SLK: variants seen among roughly 807,000 people sequenced by gnomAD.
SLK encodes STE20 like kinase, also known as STE20-like serine/threonine-protein kinase.
Under a neutral mutation model 147.7 loss-of-function variants are expected in SLK, and 67 were observed. The ratio of observed to expected loss-of-function variants is 0.45; its 90% CI spans 0.37 to 0.56. The LOEUF (loss-of-function observed/expected upper bound fraction) is 0.56. Ranked by LOEUF, SLK falls within the 20% of genes least tolerant of loss-of-function variation. The probability of loss-of-function intolerance (pLI) is 0.00; values close to 1 mark genes in which losing one functional copy is unlikely to be tolerated. For missense variants in SLK, 1,136 were observed against 1,438.8 expected, an observed-to-expected ratio of 0.79 and a Z score of 3.41; for synonymous variants, 441 against 475.0, an observed-to-expected ratio of 0.93 and a Z score of 0.93.
intron 18 of SLK, among the ~76,000 whole-genome samples, chr10:104,022,462 C>G (rs935842865): frequency 3.3e-5 from 5 of 152,188 alleles, no homozygotes; most frequent in African/African-American, 7.2e-5. Flanking sequence ...CTTCGTTACT[C>G]AAACTTAAAC....
At chr10:104,024,657 T>C (rs781410369) in intron 18 of SLK, among the ~76,000 whole-genome samples, 7 of 152,210 alleles carry the variant, frequency 4.6e-5, no homozygotes, top group Non-Finnish European at 8.8e-5. Context: ...GAACCCCTCC[T>C]ATATCCTTCC....
intron 1 of SLK, among the ~76,000 whole-genome samples, chr10:103,987,140 A>G (rs1444560688): frequency 6.6e-6 from 1 of 152,142 alleles, no homozygotes; most frequent in Non-Finnish European, 1.5e-5. Flanking sequence ...CTGATGAGTA[A>G]TCATGTTATT....
intron 13 of SLK, among the ~76,000 whole-genome samples, chr10:104,017,093 T>A (rs1844474142): frequency 6.6e-6 from 1 of 151,998 alleles, no homozygotes; most frequent in African/African-American, 2.4e-5. Flanking sequence ...ACTTTAACAT[T>A]TCCTTTTTTT....
chr10:104,001,233 A>G (rs1844243955), intron 7 of SLK, among the ~76,000 whole-genome samples: 2 of 152,192 alleles, frequency 1.3e-5, no homozygotes, highest in Non-Finnish European at 2.9e-5. Flanking sequence ...AGATTCTTAA[A>G]AATGTACAGA....
At chr10:104,013,985 CATAAG>C (rs1844431038) in intron 13 of SLK, among the ~76,000 whole-genome samples, 1 of 152,108 alleles carries the variant, frequency 6.6e-6, no homozygotes, top group African/African-American at 2.4e-5. Flanking sequence ...CCTCAAGTCA[CATAAG>C]AGATTAACGG....
In SLK at chr10:104,002,765, G is replaced by T; in HGVS notation, c.1587G>T (p.Glu529Asp). 6.2e-7 allele frequency: 1 copy of T among 1,614,024 alleles called. No individual in the cohort carries two copies. The highest frequency in any genetic ancestry group is 8.5e-7 in the Non-Finnish European group (1 of 1,180,012). The change falls in exon 9 of 19, where the codon GAG becomes GAT. Residue 529 changes from glutamate (E) to aspartate (D), a missense_variant. Glu to Asp is a conservative substitution (Grantham distance 45, BLOSUM62 2). Transcript: ENST00000369755. ...GGCTTACAAAGGAAGACACCCAAGA[G>T]AAATTGGGGGAAGACGACAAAACTC... ...EVGLTKEDTQ[E>D]KLGEDDKTQK...
At chr10:103,975,190 C>G (rs1284035261) in intron 1 of SLK, among the ~76,000 whole-genome samples, 1 of 151,652 alleles carries the variant, frequency 6.6e-6, no homozygotes, top group Non-Finnish European at 1.5e-5. Flanking sequence ...TAAGACCTCC[C>G]TTTTGAACTC....
chr10:103,969,433 T>C lies in SLK; in HGVS notation c.150+1538T>C, dbSNP rs137943903. Reference sequence around the variant, plus strand: ...TGGCTATTATAGCACTTGTCACTTATTACAATTAATATGTTTATGTTTCTA... The same window carrying C: ...TGGCTATTATAGCACTTGTCACTTACTACAATTAATATGTTTATGTTTCTA... On this transcript the variant is annotated intron_variant, in intron 1 of 18. Coordinates refer to ENST00000369755, the MANE Select transcript of SLK (RefSeq NM_014720.4). Among the ~76,000 whole-genome samples the C allele has an allele frequency of 3.7e-3, 563 of 152,362 alleles. 4 individuals are homozygous for C. The highest frequency in any genetic ancestry group is 0.012 in the African/African-American group (499 of 41,584).
At chr10:104,019,083 A>C in intron 15 of SLK, 175 bp downstream of exon 15, 2 of 549,512 alleles carry the variant, frequency 3.6e-6, no homozygotes, top group Non-Finnish European at 6.2e-6. Context: ...CATGATTGCA[A>C]ACTTCTTTTC....
chr10:104,018,901 A>G lies in SLK; in HGVS notation c.3125A>G (p.His1042Arg). The G allele has an allele frequency of 1.9e-6, 3 of 1,584,002 alleles. No individual in the cohort carries two copies. Among genetic ancestry groups the G allele is most frequent in the South Asian group, 1.2e-5 (1 of 85,284 alleles). ...FMQRHQLLKR[H>R]EKETEQMQRY... Reference sequence around the variant, plus strand: ...CAAAGACATCAGCTACTTAAGCGCCACGAGAAGGTTAATGAAAGGAAAATT... The same window carrying G: ...CAAAGACATCAGCTACTTAAGCGCCGCGAGAAGGTTAATGAAAGGAAAATT... Residue 1042 changes from histidine (H) to arginine (R), a missense_variant, in exon 15 of 19, where the codon CAC becomes CGC. Coordinates refer to ENST00000369755, the MANE Select transcript of SLK (RefSeq NM_014720.4).
intron 1 of SLK, among the ~76,000 whole-genome samples, chr10:103,987,364 A>G (rs191264703): frequency 1.3e-5 from 2 of 152,294 alleles, no homozygotes; most frequent in Admixed American, 6.5e-5. Context: ...GACATCAGTC[A>G]ATTAATTTTA....
Position 104,025,721 on chromosome 10 carries a change from C to T in SLK, c.*1C>T. On this transcript the variant is annotated 3_prime_UTR_variant, in exon 19 of 19. Transcript: ENST00000369755. The stretch of plus-strand genomic sequence containing the variant: ...CAGCTTGCATTCCACCGGATCATAA[C>T]AAAGGGAAGCATTCTGTGCGTGGGT... The T allele has an allele frequency of 1.2e-6, 2 of 1,613,788 alleles. No homozygotes were observed. The highest frequency in any genetic ancestry group is 1.7e-6 in the Non-Finnish European group (2 of 1,179,794).
At chr10:103,972,620 C>T (rs1016706447) in intron 1 of SLK, among the ~76,000 whole-genome samples, 4 of 149,954 alleles carry the variant, frequency 2.7e-5, no homozygotes, top group Admixed American at 6.7e-5. Context: ...TGCAGTGAGC[C>T]GGGATCGCAC....
chr10:103,977,868 A>G (rs930851212), intron 1 of SLK, among the ~76,000 whole-genome samples: 1 of 152,182 alleles, frequency 6.6e-6, no homozygotes, highest in African/African-American at 2.4e-5. Context: ...TCAATCCTAT[A>G]AAAATGTTGA....
intron 13 of SLK, among the ~76,000 whole-genome samples, chr10:104,014,931 A>G (rs1232258680): frequency 6.6e-6 from 1 of 151,630 alleles, no homozygotes; most frequent in African/African-American, 2.4e-5. Context: ...TGTTTGTGTA[A>G]TCTATTTGAA....
intron 13 of SLK, among the ~76,000 whole-genome samples, chr10:104,014,429 A>G (rs1468981254): frequency 6.6e-6 from 1 of 152,212 alleles, no homozygotes; most frequent in African/African-American, 2.4e-5. Context: ...GTGACGTCTG[A>G]TATATACAAC....
rs1844586803 is a variant in SLK at position 104,025,557 on chromosome 10, T to C, written c.3562-17T>C. The C allele has an allele frequency of 6.2e-7, 1 of 1,611,960 alleles. No individual in the cohort carries two copies. The highest frequency in any genetic ancestry group is 8.5e-7 in the Non-Finnish European group (1 of 1,178,896). On this transcript the variant is annotated splice_polypyrimidine_tract_variant and intron_variant, in intron 18 of 18. Coordinates refer to ENST00000369755, the MANE Select transcript of SLK (RefSeq NM_014720.4). The stretch of plus-strand genomic sequence containing the variant: ...AATACCAGCACATAGCAATTTCTTT[T>C]TCCCTTTCTTTTTAAGACACTGGAA...
chr10:103,992,855 T>C (rs1289004490), intron 3 of SLK, 129 bp from the exon 4 acceptor site: 22 of 536,820 alleles, frequency 4.1e-5, no homozygotes, highest in Non-Finnish European at 4.9e-5. Context: ...TTTGTAGATA[T>C]AGTTCTTTTA....
chr10:104,020,717 A>G (rs1374620080), intron 17 of SLK, 104 bp downstream of exon 17: 2 of 1,255,944 alleles, frequency 1.6e-6, no homozygotes, highest in Non-Finnish European at 2.2e-6. Flanking sequence ...TCATACACGA[A>G]CATGCTGGGT....
Sources: allele counts gnomAD v4.1 joint callset (sites outside exome capture counted in the v4.1 genomes callset), GRCh38; gene constraint gnomAD v4.1.1; transcripts MANE v1.5; gene names NCBI Gene and HGNC (gene_info 2026-07-23, HGNC 2026-07-21).